MPG: variants seen among roughly 807,000 people sequenced by gnomAD.
MPG encodes N-methylpurine DNA glycosylase.
A neutral mutation model predicts 31.7 loss-of-function variants in MPG; 33 were observed. The observed-to-expected ratio is 1.04, with a 90% CI of 0.79 to 1.39. The LOEUF (loss-of-function observed/expected upper bound fraction) is 1.39, where lower values mean the gene tolerates loss of function less well. Ranked by LOEUF, MPG falls within the 40% of genes most tolerant of loss-of-function variation. MPG has a pLI of 0.00. For synonymous variants in MPG, 202 were observed against 169.2 expected (o/e 1.19, Z -1.51); for missense variants, 455 against 415.5 (o/e 1.10, Z -0.83).
At chr16:82,084 C>T (rs1354443397) in intron 2 of MPG, among the ~76,000 whole-genome samples, 1 of 106,404 alleles carries the variant, frequency 9.4e-6, no homozygotes, top group Non-Finnish European at 1.7e-5. Flanking sequence ...ATGCTCCCCA[C>T]GCTGGCCCCT....
intron 3 of MPG, among the ~76,000 whole-genome samples, chr16:83,897 G>A (rs1898333905): frequency 6.6e-6 from 1 of 152,174 alleles, no homozygotes; most frequent in African/African-American, 2.4e-5. Context: ...GAGCAGCGTG[G>A]TCAGGTTGCC....
chr16:83,324 C>T, intron 3 of MPG, 68 bp downstream of exon 3: 2 of 1,475,538 alleles, frequency 1.4e-6, no homozygotes, highest in Non-Finnish European at 1.9e-6. Context: ...GCCAGGGGAC[C>T]ACTAGGAGGA....
Position 85,469 on chromosome 16 carries a change from C to T in MPG, c.574C>T (p.Arg192Cys), listed in dbSNP as rs552846697. The T allele has an allele frequency of 4.5e-5, 73 of 1,613,098 alleles. No homozygotes were observed. Among genetic ancestry groups the T allele is most frequent in the East Asian group, 1.8e-4 (8 of 44,884 alleles). Residue 192 changes from arginine to cysteine, a missense_variant, in exon 4 of 4, where the codon CGC (arginine) becomes TGC (cysteine). Arg to Cys is a radical substitution (Grantham distance 180). Transcript: ENST00000356432. ...AGGTCTGGAGACCATGCGTCAGCTT[C>T]GCAGCACCCTCCGGAAAGGCACCGC... ...LEGLETMRQL[R>C]STLRKGTASR...
At chr16:77,971 G>C (rs973445482), upstream of MPG, 5 of 210,720 alleles carry the variant, frequency 2.4e-5, no homozygotes, top group African/African-American at 1.2e-4. Flanking sequence ...GCGCAGGCGG[G>C]GGCGGACAGC....
upstream of MPG, chr16:78,178 C>G (rs1443035738): frequency 1.0e-5 from 8 of 765,060 alleles, no homozygotes; most frequent in South Asian, 1.1e-4. Flanking sequence ...TCACTGCCCC[C>G]CTTCTCCCGG....
At chr16:79,915 G>C (rs1898196084) in intron 2 of MPG, 1 of 628,292 alleles carries the variant, frequency 1.6e-6, no homozygotes, top group Admixed American at 3.0e-5. Context: ...TGCTTGCCCA[G>C]GGTGGAGCAG....
intron 3 of MPG, chr16:84,624 G>A (rs1413367592): frequency 6.6e-6 from 1 of 152,488 alleles, no homozygotes; most frequent in Non-Finnish European, 1.5e-5. Flanking sequence ...TCGGGTATCT[G>A]TGCTTGAGTG....
chr16:81,276 G>A (rs969579923), intron 2 of MPG, among the ~76,000 whole-genome samples: 1 of 152,220 alleles, frequency 6.6e-6, no homozygotes, highest in Non-Finnish European at 1.5e-5. Context: ...TCTGCCACTG[G>A]TGGAAATGGT....
upstream of MPG, chr16:78,187 G>A (rs1386474708): frequency 4.3e-6 from 4 of 932,166 alleles, no homozygotes; most frequent in Non-Finnish European, 5.6e-6. Context: ...CCCTTCTCCC[G>A]GCTTCCGTCC....
chr16:77,471 T>G (rs1898118186), upstream of MPG, among the ~76,000 whole-genome samples: 2 of 152,126 alleles, frequency 1.3e-5, no homozygotes, highest in African/African-American at 4.8e-5. Context: ...CGGGGAGGCC[T>G]CAGAAGCGTA....
chr16:78,044 G>A (rs1898135473), upstream of MPG: 2 of 290,782 alleles, frequency 6.9e-6, no homozygotes, highest in Non-Finnish European at 1.3e-5. Flanking sequence ...CCCCTTCCCC[G>A]CTCTCGCCTC....
intron 2 of MPG, among the ~76,000 whole-genome samples, chr16:80,787 C>T (rs773290222): frequency 1.1e-4 from 16 of 151,878 alleles, no homozygotes; most frequent in East Asian, 1.9e-4. Context: ...CCGGCCTGGG[C>T]GACAGGGCGA....
At chr16:83,596 C>T (rs958923380) in intron 3 of MPG, among the ~76,000 whole-genome samples, 18 of 152,130 alleles carry the variant, frequency 1.2e-4, no homozygotes, top group Non-Finnish European at 2.1e-4. Flanking sequence ...CAAAAATTAG[C>T]TGGGTGTGGT....
At chr16:83,618 G>A (rs1437378557) in intron 3 of MPG, among the ~76,000 whole-genome samples, 1 of 152,084 alleles carries the variant, frequency 6.6e-6, no homozygotes, top group East Asian at 1.9e-4. Context: ...GTGGGCTCCT[G>A]TAATCCCAGC....
Position 78,295 on chromosome 16 carries a change from G to A in MPG, c.-15G>A, listed in dbSNP as rs1898145748. 1.5e-5 allele frequency: 20 copies of A among 1,341,246 alleles called. No homozygotes were observed. Among genetic ancestry groups the A allele is most frequent in the Middle Eastern group, 2.8e-4 (1 of 3,560 alleles). The allele number at this position is 1,341,246 out of a possible 1,614,324, so 83.1% of individuals were successfully genotyped here. A position where few individuals can be genotyped will look rare whatever the true frequency, so the allele number is the denominator to read the frequency against. ...CGGGGTCCGAGTCCCACGAAGCCCC[G>A]GCCCGAGCCGCCGGATGCCCGCGCG... On this transcript the variant is annotated 5_prime_UTR_variant, in exon 1 of 4. Coordinates refer to ENST00000356432, the MANE Select transcript of MPG (RefSeq NM_001015052.3).
Position 78,325 on chromosome 16 carries a change from G to A in MPG, c.16G>A (p.Gly6Arg). 4 of 1,306,300 alleles carry A rather than the reference G, an allele frequency of 3.1e-6. No individual in the cohort carries two copies. The highest frequency in any genetic ancestry group is 4.0e-5 in the South Asian group (2 of 49,760). The allele number at this position is 1,306,300 out of a possible 1,614,324, so 80.9% of individuals were successfully genotyped here. The part of the protein sequence containing the change: MPARS[G>R]AQFCRRMGQK... ...GAGCCGCCGGATGCCCGCGCGCAGCGGGGCCCAGGTGAGCGCGCGCCTCGG... is the reference window on the plus strand; with the variant it reads ...GAGCCGCCGGATGCCCGCGCGCAGCAGGGCCCAGGTGAGCGCGCGCCTCGG... Residue 6 changes from glycine (G) to arginine (R), a missense_variant, in exon 1 of 4, where the codon GGG becomes AGG. Coordinates refer to ENST00000356432, the MANE Select transcript of MPG (RefSeq NM_001015052.3).
chr16:78,464 C>G (rs1898151720), intron 1 of MPG, 131 bp downstream of exon 1: 8 of 834,838 alleles, frequency 9.6e-6, no homozygotes, highest in African/African-American at 1.8e-5. Context: ...CGGGGCAGAG[C>G]CAGAGCATAG....
chr16:78,460 A>C (rs1229439038), intron 1 of MPG, 127 bp downstream of exon 1: 2 of 856,866 alleles, frequency 2.3e-6, no homozygotes, highest in Non-Finnish European at 3.0e-6. Flanking sequence ...GGTTCGGGGC[A>C]GAGCCAGAGC....
At position 79,550 on chromosome 16, in the gene MPG, T is replaced by C. The variant is rs998244105; in HGVS notation, c.150T>C (p.Pro50=). The change falls in exon 2 of 4, where the codon CCT becomes CCC. Residue 50 remains proline, a synonymous_variant. Coordinates refer to ENST00000356432, the MANE Select transcript of MPG (RefSeq NM_001015052.3). The stretch of plus-strand genomic sequence containing the variant: ...GCTCGTCCGATGCAGCCCAGGCACC[T>C]TGCCCCAGGGAGCGCTGCTTGGGAC... ...PHSSSDAAQA[P]CPRERCLGPP... The C allele has an allele frequency of 1.9e-6, 3 of 1,612,840 alleles. No individual in the cohort carries two copies. The highest frequency in any genetic ancestry group is 2.5e-6 in the Non-Finnish European group (3 of 1,179,974).
Sources: allele counts gnomAD v4.1 joint callset (sites outside exome capture counted in the v4.1 genomes callset), GRCh38; gene constraint gnomAD v4.1.1; transcripts MANE v1.5; gene names NCBI Gene and HGNC (gene_info 2026-07-23, HGNC 2026-07-21).